Variants in GREB1 observed in about 807,000 individuals in gnomAD.
GREB1 encodes protein GREB1.
Under a neutral mutation model 200.7 loss-of-function variants are expected in GREB1, and 106 were observed. The observed-to-expected ratio is 0.53, with a 90% CI of 0.45 to 0.62. GREB1 has a LOEUF of 0.62. Among genes scored for constraint, GREB1 ranks in the 20% least tolerant of loss-of-function variants. GREB1 has a pLI of 0.00. For synonymous variants in GREB1, 1,132 were observed against 1,092.4 expected (o/e 1.04, Z -0.72); for missense variants, 2,243 against 2,556.8 (o/e 0.88, Z 2.65).
Position 11,598,667 on chromosome 2 carries a change from C to A in GREB1, c.2153-13C>A, listed in dbSNP as rs1458860717. On this transcript the variant is annotated splice_polypyrimidine_tract_variant and intron_variant, in intron 14 of 32. Transcript: ENST00000381486. ...ATGTTTGCAGTTACTGATGTATGTT[C>A]TTTGTGTTGCAGGGGTTTTGCTGGA... is the stretch of plus-strand genomic sequence containing the variant. The A allele has an allele frequency of 6.2e-7, 1 of 1,613,054 alleles. No individual in the cohort carries two copies. The highest frequency in any genetic ancestry group is 1.7e-5 in the Admixed American group (1 of 59,994).
At chr2:11,616,397 G>A (rs1280185013) in intron 20 of GREB1, among the ~76,000 whole-genome samples, 1 of 152,250 alleles carries the variant, frequency 6.6e-6, no homozygotes. Flanking sequence ...GCTTGCAGCT[G>A]TGCCTCATGG....
At chr2:11,634,047 A>T (rs945193482) in intron 28 of GREB1, 84 bp from the exon 29 acceptor site, 6 of 1,281,632 alleles carry the variant, frequency 4.7e-6, no homozygotes, top group Admixed American at 3.4e-5. Context: ...GCAGTCTGAG[A>T]GCCGGTGCCA....
chr2:11,613,422 A>AT (rs1224838155), intron 19 of GREB1, among the ~76,000 whole-genome samples: 1 of 152,074 alleles, frequency 6.6e-6, no homozygotes, highest in Non-Finnish European at 1.5e-5. Flanking sequence ...GTTTTATTTC[A>AT]TTTTACTCTC....
At chr2:11,501,274 G>A (rs1673030879) in intron 1 of GREB1, among the ~76,000 whole-genome samples, 1 of 152,198 alleles carries the variant, frequency 6.6e-6, no homozygotes, top group Non-Finnish European at 1.5e-5. Flanking sequence ...CAGTGGTGGT[G>A]GGGAGCTGAG....
intron 23 of GREB1, among the ~76,000 whole-genome samples, chr2:11,621,821 C>G (rs1482716838): frequency 6.6e-6 from 1 of 152,220 alleles, no homozygotes; most frequent in East Asian, 1.9e-4. Flanking sequence ...TCGGCCTTCC[C>G]TCCCAGGAAA....
intron 18 of GREB1, 83 bp downstream of exon 18, chr2:11,611,110 C>G: frequency 8.2e-7 from 1 of 1,212,558 alleles, no homozygotes; most frequent in Non-Finnish European, 1.1e-6. Flanking sequence ...GGGAGTGTCA[C>G]GAACCCCACA....
chr2:11,629,161 G>A lies in GREB1; in HGVS notation c.4450-787G>A, dbSNP rs1684687932. Among the ~76,000 whole-genome samples, 1 of 127,398 alleles carries A rather than the reference G, an allele frequency of 7.8e-6. No homozygotes were observed. The highest frequency in any genetic ancestry group is 2.9e-4 in the South Asian group (1 of 3,446). 83.6% of individuals were successfully genotyped at this position (127,398 alleles called of 152,430 possible). On this transcript the variant is annotated intron_variant, in intron 25 of 32. Transcript: ENST00000381486. This position sits in a 1 kb window ranked among gnomAD's most constrained non-coding sequence, Gnocchi z 5.2. ...AGATTAAAGCAGTGTGTGCTCGTCT[G>A]CCTCCTTCCCTGCAGACCCTGGATG...
intron 11 of GREB1, among the ~76,000 whole-genome samples, chr2:11,594,503 C>T (rs1681029897): frequency 1.3e-5 from 2 of 151,696 alleles, no homozygotes; most frequent in South Asian, 2.1e-4. Context: ...TACAGGCGTG[C>T]ACCACCATGC....
At position 11,639,444 on chromosome 2, in the gene GREB1, A is replaced by G. The variant is rs373777446; in HGVS notation, c.5686+635A>G. Among the ~76,000 whole-genome samples the G allele has an allele frequency of 2.1e-3, 323 of 151,812 alleles. 1 individual carries two copies. The highest frequency in any genetic ancestry group is 7.2e-3 in the African/African-American group (298 of 41,390). On this transcript the variant is annotated intron_variant, in intron 32 of 32. Transcript: ENST00000381486. The stretch of plus-strand genomic sequence containing the variant: ...CATCGGTGTCCCAGTCGTTGCTGAC[A>G]CTCTTCCTCCTGGTAGACGAGTCTT...
At chr2:11,543,778 G>T (rs765868716) in intron 1 of GREB1, among the ~76,000 whole-genome samples, 1 of 152,164 alleles carries the variant, frequency 6.6e-6, no homozygotes, top group Admixed American at 6.5e-5. Context: ...ACCCCAGAGC[G>T]CTGTGTTCTC....
chr2:11,499,497 T>A (rs889270193), intron 1 of GREB1, among the ~76,000 whole-genome samples: 2 of 152,282 alleles, frequency 1.3e-5, no homozygotes, highest in Non-Finnish European at 2.9e-5. Flanking sequence ...TGAGCTTAGC[T>A]TCTACTGTGC....
intron 1 of GREB1, among the ~76,000 whole-genome samples, chr2:11,516,119 A>G (rs1673489435): frequency 6.6e-6 from 1 of 152,154 alleles, no homozygotes; most frequent in South Asian, 2.1e-4. Flanking sequence ...TGTCTGTCTC[A>G]CACCCGATCT....
At chr2:11,546,398 C>T (rs1405910584) in intron 1 of GREB1, among the ~76,000 whole-genome samples, 1 of 152,142 alleles carries the variant, frequency 6.6e-6, no homozygotes, top group East Asian at 1.9e-4. Flanking sequence ...TATATGTATA[C>T]AACATATGTC....
chr2:11,591,598 G>A (rs1358779890), intron 10 of GREB1: 4 of 624,744 alleles, frequency 6.4e-6, no homozygotes, highest in African/African-American at 3.7e-5. Flanking sequence ...GCGCTTGTCC[G>A]ATGCACCGTT....
intron 18 of GREB1, among the ~76,000 whole-genome samples, chr2:11,611,452 A>G (rs1682917818): frequency 6.6e-6 from 1 of 152,154 alleles, no homozygotes; most frequent in Non-Finnish European, 1.5e-5. Flanking sequence ...AGCTGGAACC[A>G]CCAGCGTGTG....
At chr2:11,524,511 C>T (rs1050876891) in intron 1 of GREB1, among the ~76,000 whole-genome samples, 2 of 152,198 alleles carry the variant, frequency 1.3e-5, no homozygotes, top group African/African-American at 2.4e-5. Context: ...GAAATAGCCA[C>T]CTCTGCAGGA....
intron 1 of GREB1, among the ~76,000 whole-genome samples, chr2:11,537,899 T>G (rs767745917): frequency 1.8e-4 from 27 of 152,176 alleles, no homozygotes; most frequent in Middle Eastern, 6.8e-3. Flanking sequence ...GAATGTTGTA[T>G]CCTAAGTGTG....
At chr2:11,550,612 C>T (rs925009350) in intron 1 of GREB1, among the ~76,000 whole-genome samples, 1 of 152,228 alleles carries the variant, frequency 6.6e-6, no homozygotes, top group East Asian at 1.9e-4. Flanking sequence ...ATTCCCAAGC[C>T]TTCTCTGGGT....
Position 11,578,309 on chromosome 2 carries a change from G to A in GREB1, c.650G>A (p.Arg217Gln), listed in dbSNP as rs759015474. 47 of 1,612,810 alleles carry A rather than the reference G, an allele frequency of 2.9e-5. No homozygotes were observed. Among genetic ancestry groups the A allele is most frequent in the African/African-American group, 8.0e-5 (6 of 74,908 alleles). Residue 217 changes from arginine (R) to glutamine (Q), a missense_variant, in exon 6 of 33, where the codon CGG (arginine) becomes CAG (glutamine). Physicochemically the swap from Arg to Gln is conservative, Grantham distance 43. Around this residue, in one of 3 missense-constraint regions of GREB1, gnomAD observed 1,178 missense variants for 1,387.4 expected, o/e 0.85. Transcript: ENST00000381486. Reference sequence around the variant, plus strand: ...CTTGCCCCCTTAGAGTTTAGAAGCCGGCAGATCCCCGCCAGTACTTGTTCC... The same window carrying A: ...CTTGCCCCCTTAGAGTTTAGAAGCCAGCAGATCCCCGCCAGTACTTGTTCC... ...ICWKGSEFRS[R>Q]QIPASTCSSS...
Sources: allele counts gnomAD v4.1 joint callset (sites outside exome capture counted in the v4.1 genomes callset), GRCh38; gene constraint gnomAD v4.1.1; regional missense constraint gnomAD v4.1.1; non-coding constraint Gnocchi (gnomAD v3.1); transcripts MANE v1.5; gene names NCBI Gene and HGNC (gene_info 2026-07-23, HGNC 2026-07-21).